The following MCF2L variants were observed in gnomAD, a reference collection of about 807,000 sequenced individuals.
MCF2L encodes MCF.2 cell line derived transforming sequence like.
Under a neutral mutation model 153.4 loss-of-function variants are expected in MCF2L, and 97 were observed. The observed-to-expected ratio is 0.63, with a 90% confidence interval of 0.54 to 0.75. The LOEUF is 0.75. Among genes scored for constraint, MCF2L ranks in the 30% least tolerant of loss-of-function variants. MCF2L has a pLI of 0.00. For missense variants in MCF2L, 1,347 were observed against 1,495.2 expected, an observed-to-expected ratio of 0.90 and a Z score of 1.64; for synonymous variants, 659 against 632.2, an observed-to-expected ratio of 1.04 and a Z score of -0.64.
chr13:112,968,730 G>C (rs1217062641), upstream of MCF2L: 1 of 1,386,120 alleles, frequency 7.2e-7, no homozygotes, highest in South Asian at 1.6e-5. Context: ...GGGAGGCGGC[G>C]GCCAGGCGCG....
chr13:113,002,312 A>G (rs745541624), intron 1 of MCF2L, among the ~76,000 whole-genome samples: 7 of 152,230 alleles, frequency 4.6e-5, no homozygotes, highest in Non-Finnish European at 8.8e-5. Flanking sequence ...GAAGGCTGGG[A>G]TCACCTTTCC....
intron 4 of MCF2L, among the ~76,000 whole-genome samples, chr13:113,052,340 G>A (rs551327029): frequency 2.0e-4 from 31 of 152,326 alleles, no homozygotes; most frequent in African/African-American, 7.2e-4. Context: ...ATGAGGCTCC[G>A]TGTGGGCCGT....
At position 113,024,627 on chromosome 13, in the gene MCF2L, C is replaced by G; in HGVS notation, c.164-17C>G. The G allele has an allele frequency of 6.3e-7, 1 of 1,585,320 alleles. No homozygotes were observed. Among genetic ancestry groups the G allele is most frequent in the Non-Finnish European group, 8.7e-7 (1 of 1,154,350 alleles). The stretch of plus-strand genomic sequence containing the variant: ...ATGGAGCCCTCGGCTAAGGGTCTGC[C>G]TCTGGTCTCTCCCCAGGTGGGCGGG... On this transcript the variant is annotated splice_polypyrimidine_tract_variant and intron_variant, in intron 2 of 29. Coordinates refer to ENST00000535094, the MANE Select transcript of MCF2L (RefSeq NM_001112732.3).
intron 1 of MCF2L, chr13:113,009,079 C>G (rs964361141): frequency 2.6e-5 from 4 of 152,278 alleles, no homozygotes; most frequent in African/African-American, 9.6e-5. Flanking sequence ...CTGCCCGAGG[C>G]GCAAACTGTC....
intron 2 of MCF2L, among the ~76,000 whole-genome samples, chr13:112,920,296 A>C (rs2993335): frequency 6.6e-6 from 1 of 152,076 alleles, no homozygotes; most frequent in Non-Finnish European, 1.5e-5. Context: ...TGTTGTTTGT[A>C]GTTGGTGCAA....
At chr13:113,018,043 C>A (rs577552049) in intron 2 of MCF2L, among the ~76,000 whole-genome samples, 1 of 152,220 alleles carries the variant, frequency 6.6e-6, no homozygotes. Flanking sequence ...GTGACATGTG[C>A]GGTCCCGTCT....
At chr13:113,066,025 G>A in intron 7 of MCF2L, 21 bp from the exon 8 acceptor site, 1 of 1,610,940 alleles carries the variant, frequency 6.2e-7, no homozygotes, top group African/African-American at 1.3e-5. Context: ...GCCGGGACAT[G>A]AGGCTGCATT....
intron 2 of MCF2L, among the ~76,000 whole-genome samples, chr13:112,918,958 C>T (rs1347979425): frequency 1.3e-5 from 2 of 152,164 alleles, no homozygotes; most frequent in Non-Finnish European, 2.9e-5. Context: ...CCCCGACGCG[C>T]GCCCCCTTCC....
At chr13:112,916,798 G>T (rs1478205408) in intron 2 of MCF2L, among the ~76,000 whole-genome samples, 1 of 152,062 alleles carries the variant, frequency 6.6e-6, no homozygotes, top group South Asian at 2.1e-4. Context: ...CGCCCCCAAG[G>T]CCTCTTCCCC....
rs980596338 is a variant in MCF2L, at chr13:113,098,910, T to G, written c.*2051T>G. On this transcript the variant is annotated 3_prime_UTR_variant, in exon 30 of 30. Transcript: ENST00000535094. ...GGGTGGAGAAAGGGGAAAGCATGGT[T>G]AACAGGAAACAACATGTAACGGAAG... The G allele has an allele frequency of 3.3e-5, 5 of 152,324 alleles. No individual in the cohort carries two copies. The highest frequency in any genetic ancestry group is 1.2e-4 in the African/African-American group (5 of 41,444). 9.4% of individuals were successfully genotyped at this position (152,324 alleles called of 1,614,324 possible).
upstream of MCF2L, chr13:112,969,198 C>CTT: frequency 1.3e-5 from 13 of 1,021,644 alleles, no homozygotes; most frequent in Non-Finnish European, 1.5e-5. This position sits in a 1 kb window ranked among gnomAD's most constrained non-coding sequence, Gnocchi z 4.8. Flanking sequence ...GCAGCGCGCG[C>CTT]CCCCCTCCCG....
intron 2 of MCF2L, among the ~76,000 whole-genome samples, chr13:112,921,318 C>G (rs1489669160): frequency 6.6e-6 from 1 of 152,200 alleles, no homozygotes; most frequent in Non-Finnish European, 1.5e-5. Context: ...TGATGCCTAA[C>G]AACGCAGAAT....
chr13:113,006,920 A>G (rs1248798000), intron 1 of MCF2L, among the ~76,000 whole-genome samples: 1 of 152,090 alleles, frequency 6.6e-6, no homozygotes, highest in African/African-American at 2.4e-5. Flanking sequence ...TGTAGCGGGT[A>G]GGGCTGTGAC....
chr13:112,991,458 G>A (rs1031213675), intron 1 of MCF2L, among the ~76,000 whole-genome samples: 14 of 152,118 alleles, frequency 9.2e-5, no homozygotes, highest in African/African-American at 2.9e-4. Context: ...CTCAGGATAC[G>A]AACACCTTTC....
chr13:113,014,954 G>C (rs568873393), intron 2 of MCF2L, 108 bp downstream of exon 2: 14 of 928,726 alleles, frequency 1.5e-5, no homozygotes, highest in Non-Finnish European at 2.4e-5. Context: ...AGGGTCATGC[G>C]AGGGGCTGTG....
Position 113,023,767 on chromosome 13 carries a change from G to A in MCF2L, c.164-877G>A, listed in dbSNP as rs148246110. Among the ~76,000 whole-genome samples the A allele has an allele frequency of 3.2e-4, 49 of 152,298 alleles. No homozygotes were observed. The East Asian group carries it at 8.5e-3, about 26-fold the overall frequency. On this transcript the variant is annotated intron_variant, in intron 2 of 29. Coordinates refer to ENST00000535094, the MANE Select transcript of MCF2L (RefSeq NM_001112732.3). ...CTGACTGTGTCCTCTGCTCAGCTGT[G>A]TCCTCATGGGGGCTGGGCTGGAAGG...
chr13:112,979,408 C>T (rs997259021), intron 1 of MCF2L: 19 of 1,386,584 alleles, frequency 1.4e-5, no homozygotes, highest in African/African-American at 1.0e-4. Flanking sequence ...AGTGGTGGCT[C>T]GGGCCAGGCT....
intron 1 of MCF2L, among the ~76,000 whole-genome samples, chr13:112,994,133 T>C (rs1380217872): frequency 6.6e-6 from 1 of 151,860 alleles, no homozygotes; most frequent in African/African-American, 2.4e-5. Context: ...TGCCGGTGTC[T>C]CGGGCAGGGG....
intron 2 of MCF2L, among the ~76,000 whole-genome samples, chr13:113,015,506 G>A (rs368159954): frequency 1.5e-4 from 23 of 152,110 alleles, no homozygotes; most frequent in African/African-American, 4.8e-4. Flanking sequence ...AGGGTGCCCC[G>A]ATGCCGAGGA....
Sources: gnomAD v4.1 joint callset for allele counts (sites outside exome capture counted in the v4.1 genomes callset) on GRCh38, gnomAD v4.1.1 for gene constraint, Gnocchi (gnomAD v3.1) non-coding constraint, MANE v1.5 for transcripts, NCBI Gene and HGNC (gene_info 2026-07-23, HGNC 2026-07-21) for gene names.